TNS4: variants seen among roughly 807,000 people sequenced by gnomAD.
TNS4 encodes the protein tensin 4, also known as tensin-4.
Under a neutral mutation model 70.4 loss-of-function variants are expected in TNS4, and 46 were observed. The ratio of observed to expected loss-of-function variants is 0.65; its 90% CI spans 0.52 to 0.84. The LOEUF is 0.84. TNS4 is among the 40% of genes least tolerant of loss of function. The pLI, the probability that TNS4 is intolerant of heterozygous loss-of-function variation, is 0.00. For synonymous variants in TNS4, 390 were observed against 366.6 expected, an observed-to-expected ratio of 1.06 and a Z score of -0.73; for missense variants, 863 against 907.0, an observed-to-expected ratio of 0.95 and a Z score of 0.62.
At position 40,477,520 on chromosome 17, in the gene TNS4, AGG is replaced by A. The variant is rs1338023611; in HGVS notation, c.*66_*67del. ...ATATGGCCACAAGCCACACCCATTC[AGG>A]GGGTGGAGGGGGGCTCCTTAGCGAG... On this transcript the variant is annotated 3_prime_UTR_variant, in exon 13 of 13. Transcript: ENST00000254051. The A allele has an allele frequency of 6.3e-7, 1 of 1,588,018 alleles. No homozygotes were observed. The highest frequency in any genetic ancestry group is 8.6e-7 in the Non-Finnish European group (1 of 1,163,796).
Position 40,483,968 on chromosome 17 carries a change from T to A in TNS4, c.1501+516A>T, listed in dbSNP as rs578029052. ...GGTGTCTGTGTCTGATTCCACTGTATCCCTGCTGCCTCACACAGTGCCTGG... is the reference window on the plus strand; with the variant it reads ...GGTGTCTGTGTCTGATTCCACTGTAACCCTGCTGCCTCACACAGTGCCTGG... On this transcript the variant is annotated intron_variant, in intron 6 of 12. Transcript: ENST00000254051. Among the ~76,000 whole-genome samples the A allele has an allele frequency of 2.6e-5, 4 of 152,304 alleles. No homozygotes were observed. The East Asian group carries it at 7.7e-4, about 29-fold the overall frequency.
chr17:40,482,114 G>C lies in TNS4; in HGVS notation c.1672+15C>G. On this transcript the variant is annotated intron_variant, in intron 8 of 12. Transcript: ENST00000254051. ...TCCCCCACCTTGGCATTGCCTCTTT[G>C]GGGCCCAGACCCACCTCTCTGTGGG... 1 of 1,613,460 alleles carries C rather than the reference G, an allele frequency of 6.2e-7. No homozygotes were observed. The highest frequency in any genetic ancestry group is 8.5e-7 in the Non-Finnish European group (1 of 1,179,676).
chr17:40,479,393 C>T (rs915978268), intron 10 of TNS4, among the ~76,000 whole-genome samples: 4 of 152,074 alleles, frequency 2.6e-5, no homozygotes, highest in African/African-American at 7.2e-5. Context: ...GTGATCCGCC[C>T]GCCTCGGCCT....
chr17:40,492,610 T>TG (rs1173351960), intron 2 of TNS4, among the ~76,000 whole-genome samples: 1 of 141,528 alleles, frequency 7.1e-6, no homozygotes, highest in Non-Finnish European at 1.6e-5. Flanking sequence ...TTTTTTTTTT[T>TG]TTTGTTTTAA....
At chr17:40,485,428 T>C (rs565489990) in intron 4 of TNS4, among the ~76,000 whole-genome samples, 3 of 152,272 alleles carry the variant, frequency 2.0e-5, no homozygotes, top group East Asian at 1.9e-4. Flanking sequence ...ATATTCAGCT[T>C]GGAAAAGAAA....
intron 1 of TNS4, among the ~76,000 whole-genome samples, chr17:40,498,155 C>T (rs943622920): frequency 3.9e-5 from 6 of 152,254 alleles, no homozygotes; most frequent in Admixed American, 3.3e-4. Flanking sequence ...GCCTCCTTTA[C>T]GTCCTGTTTT....
At chr17:40,477,949 G>A (rs2035870451) in intron 12 of TNS4, 1 of 607,296 alleles carries the variant, frequency 1.6e-6, no homozygotes, top group Non-Finnish European at 2.9e-6. Flanking sequence ...GGTTTCCTTT[G>A]TTTTGAGTGA....
intron 5 of TNS4, among the ~76,000 whole-genome samples, 155 bp from the exon 6 acceptor site, chr17:40,484,764 C>T (rs2035970109): frequency 6.6e-6 from 1 of 152,192 alleles, no homozygotes; most frequent in Non-Finnish European, 1.5e-5. Flanking sequence ...TGCTGTGGTT[C>T]CTACTTCCTC....
At chr17:40,486,907 C>G in intron 4 of TNS4, 129 bp downstream of exon 4, 6 of 1,229,160 alleles carry the variant, frequency 4.9e-6, no homozygotes, top group Non-Finnish European at 5.8e-6. Flanking sequence ...TGTGTCCTCA[C>G]TACCTGGCAT....
intron 2 of TNS4, among the ~76,000 whole-genome samples, chr17:40,495,536 C>T (rs1296880481): frequency 1.3e-5 from 2 of 152,230 alleles, no homozygotes; most frequent in East Asian, 3.9e-4. Context: ...CCATTTCCAG[C>T]GTGGGCCTCT....
intron 2 of TNS4, among the ~76,000 whole-genome samples, chr17:40,492,840 T>A (rs56220023): frequency 0.085 from 12,882 of 150,772 alleles, 717 homozygotes; most frequent in East Asian, 0.28. Context: ...AGGTCAAGAG[T>A]TCAAGACCAG....
chr17:40,484,883 C>A, intron 5 of TNS4, 38 bp downstream of exon 5: 1 of 1,604,122 alleles, frequency 6.2e-7, no homozygotes, highest in Non-Finnish European at 8.5e-7. Flanking sequence ...AGTGCAAGAC[C>A]CAGACCCTAT....
chr17:40,494,125 G>T (rs1341232429), intron 2 of TNS4, among the ~76,000 whole-genome samples: 1 of 152,250 alleles, frequency 6.6e-6, no homozygotes, highest in Non-Finnish European at 1.5e-5. Flanking sequence ...TGCTGGGCTG[G>T]CCTCCACCTC....
Position 40,488,746 on chromosome 17 carries a change from G to C in TNS4, c.663C>G (p.Leu221=), listed in dbSNP as rs187091539. The C allele has an allele frequency of 6.2e-7, 1 of 1,600,066 alleles. No homozygotes were observed. Among genetic ancestry groups the C allele is most frequent in the Non-Finnish European group, 8.5e-7 (1 of 1,174,096 alleles). Residue 221 remains leucine (L), a synonymous_variant, in exon 3 of 13, where the codon CTC becomes CTG. Transcript: ENST00000254051. The part of the protein sequence containing the change: ...HQRPLPPSEG[L]SPRPPNSPSI... ...TGGGGGAATTTGGGGGTCGAGGGGAGAGACCCTCTGAGGGGGGCAGAGGGC... is the reference window on the plus strand; with the variant it reads ...TGGGGGAATTTGGGGGTCGAGGGGACAGACCCTCTGAGGGGGGCAGAGGGC...
intron 2 of TNS4, among the ~76,000 whole-genome samples, chr17:40,490,643 C>A (rs540611980): frequency 6.6e-6 from 1 of 151,964 alleles, no homozygotes; most frequent in Non-Finnish European, 1.5e-5. Flanking sequence ...GCTTGGGCCA[C>A]GGTGGGGGTG....
chr17:40,486,175 G>T (rs911046143), intron 4 of TNS4, among the ~76,000 whole-genome samples: 3 of 152,140 alleles, frequency 2.0e-5, no homozygotes, highest in African/African-American at 7.2e-5. Flanking sequence ...CTTCTTGGAC[G>T]CCTGTGATCT....
chr17:40,497,806 C>T (rs555168975), intron 1 of TNS4, among the ~76,000 whole-genome samples: 20 of 152,280 alleles, frequency 1.3e-4, no homozygotes, highest in Non-Finnish European at 2.8e-4. Context: ...CAGCTCAACC[C>T]TGAGGGCAAC....
chr17:40,490,643 C>T (rs540611980), intron 2 of TNS4, among the ~76,000 whole-genome samples: 38 of 152,080 alleles, frequency 2.5e-4, no homozygotes, highest in Middle Eastern at 3.4e-3. Flanking sequence ...GCTTGGGCCA[C>T]GGTGGGGGTG....
At chr17:40,478,719 T>G in intron 10 of TNS4, 71 bp from the exon 11 acceptor site, 1 of 1,550,878 alleles carries the variant, frequency 6.4e-7, no homozygotes, top group Non-Finnish European at 8.9e-7. Flanking sequence ...CCAGCATCTC[T>G]CGTTCCCCCC....
Sources: allele counts gnomAD v4.1 joint callset (sites outside exome capture counted in the v4.1 genomes callset), GRCh38; gene constraint gnomAD v4.1.1; transcripts MANE v1.5; gene names NCBI Gene and HGNC (gene_info 2026-07-23, HGNC 2026-07-21).